RAD51B: variants seen among roughly 807,000 people sequenced by gnomAD.
The protein encoded by RAD51B is DNA repair protein RAD51 homolog 2.
In RAD51B, 38 loss-of-function variants were observed where a neutral mutation model predicts 42.2. That is an observed-to-expected ratio of 0.90 (90% CI 0.70 to 1.18). The LOEUF is 1.18. Ranked by LOEUF, RAD51B falls within the 50% of genes most tolerant of loss-of-function variation. The pLI is 0.00. For missense variants in RAD51B, 373 were observed against 400.7 expected (o/e 0.93, Z 0.59); for synonymous variants, 154 against 145.2 (o/e 1.06, Z -0.43).
chr14:67,869,944 A>G (rs1156893304), intron 5 of RAD51B, among the ~76,000 whole-genome samples: 1 of 152,048 alleles, frequency 6.6e-6, no homozygotes, highest in Admixed American at 6.5e-5. Flanking sequence ...AGCGCTAAAC[A>G]TGGAAAGGAA....
chr14:68,027,620 T>C (rs1377550560), intron 7 of RAD51B, among the ~76,000 whole-genome samples: 1 of 152,206 alleles, frequency 6.6e-6, no homozygotes, highest in Non-Finnish European at 1.5e-5. Context: ...GTGTGGTCTG[T>C]TCCACTGTTA....
At chr14:68,676,205 T>G (rs1446092791) in intron 11 of RAD51B, among the ~76,000 whole-genome samples, 4 of 152,170 alleles carry the variant, frequency 2.6e-5, no homozygotes, top group Non-Finnish European at 5.9e-5. Flanking sequence ...ATGGGGTAAG[T>G]GCAACTATGA....
intron 11 of RAD51B, among the ~76,000 whole-genome samples, chr14:68,658,436 G>A (rs1381010911): frequency 6.6e-6 from 1 of 152,264 alleles, no homozygotes. Context: ...GGCCAGGCAG[G>A]AGAGCTGGCA....
At chr14:67,874,039 G>GTAACTAACCTGCACA (rs2042641360) in intron 5 of RAD51B, among the ~76,000 whole-genome samples, 1 of 151,790 alleles carries the variant, frequency 6.6e-6, no homozygotes, top group Non-Finnish European at 1.5e-5. Flanking sequence ...GTATACATAT[G>GTAACTAACCTGCACA]TAACTAACCT....
intron 7 of RAD51B, among the ~76,000 whole-genome samples, chr14:68,258,431 A>ACACACT (rs1555382630): frequency 9.5e-4 from 141 of 149,106 alleles, no homozygotes; most frequent in African/African-American, 3.3e-3. Flanking sequence ...ACACACACAC[A>ACACACT]CTCTCTCTCT....
rs535032941 is a variant in RAD51B at position 67,825,482 on chromosome 14, C to T, written c.103C>T (p.Pro35Ser). 2.4e-5 allele frequency: 38 copies of T among 1,612,400 alleles called. No individual in the cohort carries two copies. The African/African-American group carries it at 3.2e-4, about 14-fold the overall frequency. The part of the protein sequence containing the change: ...LTCQDFLCLS[P>S]LELMKVTGLS... ...TCTTTAGGACTTTTTATGTCTTTCC[C>T]CACTGGAGCTTATGAAGGTGACTGG... is the stretch of plus-strand genomic sequence containing the variant. The change falls in exon 3 of 11, where the codon CCA becomes TCA. Residue 35 changes from proline to serine, a missense_variant. By Grantham distance (74) the Pro-to-Ser change is moderately conservative. Coordinates refer to ENST00000471583, the MANE Select transcript of RAD51B (RefSeq NM_133510.4).
At chr14:68,199,052 A>G (rs2079430671) in intron 7 of RAD51B, among the ~76,000 whole-genome samples, 2 of 152,172 alleles carry the variant, frequency 1.3e-5, no homozygotes, top group South Asian at 2.1e-4. Flanking sequence ...TAATCTGCCC[A>G]ATGAATTCTT....
At chr14:68,439,338 A>T (rs1350486499) in intron 9 of RAD51B, among the ~76,000 whole-genome samples, 1 of 152,106 alleles carries the variant, frequency 6.6e-6, no homozygotes, top group Non-Finnish European at 1.5e-5. Flanking sequence ...TGATTCCTCC[A>T]GCCCTGGGGA....
chr14:68,010,778 A>G (rs2075671048), intron 7 of RAD51B, among the ~76,000 whole-genome samples: 1 of 151,908 alleles, frequency 6.6e-6, no homozygotes, highest in African/African-American at 2.4e-5. Context: ...TACAGAATTT[A>G]GGTATCTATT....
intron 11 of RAD51B, among the ~76,000 whole-genome samples, chr14:68,669,731 G>A (rs1485827877): frequency 6.6e-6 from 1 of 151,964 alleles, no homozygotes; most frequent in African/African-American, 2.4e-5. Flanking sequence ...AACCAAGTGG[G>A]GCCCAGTAAG....
intron 7 of RAD51B, among the ~76,000 whole-genome samples, chr14:68,146,265 C>T (rs753061833): frequency 9.9e-5 from 15 of 152,056 alleles, no homozygotes; most frequent in Admixed American, 2.6e-4. Context: ...GCTTGGGCAA[C>T]GTGGTGAAAC....
intron 7 of RAD51B, among the ~76,000 whole-genome samples, chr14:68,043,895 C>T (rs1475464226): frequency 2.0e-5 from 3 of 152,186 alleles, no homozygotes; most frequent in Non-Finnish European, 4.4e-5. Flanking sequence ...GTAGCTTTTC[C>T]ATTACTGTTT....
intron 4 of RAD51B, among the ~76,000 whole-genome samples, chr14:67,840,851 C>T (rs536204326): frequency 5.9e-5 from 9 of 151,948 alleles, no homozygotes; most frequent in South Asian, 2.1e-4. Context: ...TTGCCCAGCC[C>T]GGAGGGCAGT....
intron 7 of RAD51B, among the ~76,000 whole-genome samples, chr14:67,899,302 G>A (rs1242098198): frequency 6.6e-6 from 1 of 151,886 alleles, no homozygotes; most frequent in Non-Finnish European, 1.5e-5. Context: ...GCCCACCTTG[G>A]CCTCCCAAAG....
At chr14:68,183,266 A>G (rs750345789) in intron 7 of RAD51B, among the ~76,000 whole-genome samples, 5 of 152,238 alleles carry the variant, frequency 3.3e-5, no homozygotes, top group Non-Finnish European at 5.9e-5. Flanking sequence ...CAAAGGCCCA[A>G]GAGCCCCTGG....
chr14:68,418,720 G>A (rs900133648), intron 9 of RAD51B, among the ~76,000 whole-genome samples: 2 of 152,224 alleles, frequency 1.3e-5, no homozygotes, highest in Non-Finnish European at 2.9e-5. Flanking sequence ...TGCCCTGAAA[G>A]TCAAGGACCT....
At chr14:68,111,596 C>A (rs938519015) in intron 7 of RAD51B, among the ~76,000 whole-genome samples, 2 of 151,960 alleles carry the variant, frequency 1.3e-5, no homozygotes, top group African/African-American at 4.8e-5. Context: ...ACAACACAAC[C>A]CCACTACAAT....
intron 8 of RAD51B, among the ~76,000 whole-genome samples, chr14:68,303,253 T>C (rs1266999665): frequency 6.6e-6 from 1 of 151,902 alleles, no homozygotes; most frequent in Non-Finnish European, 1.5e-5. Context: ...TTCTCACTCA[T>C]AAGTGGGAGC....
At chr14:68,477,593 A>C (rs1882772104) in intron 10 of RAD51B, 55 bp from the exon 11 acceptor site, 1 of 1,560,722 alleles carries the variant, frequency 6.4e-7, no homozygotes, top group Non-Finnish European at 8.7e-7. Context: ...AAGTTAGTGC[A>C]TTTCATAACA....
Sources: gnomAD v4.1 joint callset for allele counts (sites outside exome capture counted in the v4.1 genomes callset) on GRCh38, gnomAD v4.1.1 for gene constraint, MANE v1.5 for transcripts, NCBI Gene and HGNC (gene_info 2026-07-23, HGNC 2026-07-21) for gene names.